SBK1: variants seen among roughly 807,000 people sequenced by gnomAD.
SBK1 encodes SH3 domain binding kinase 1.
In SBK1, 11 loss-of-function variants were observed where a neutral mutation model predicts 24.4. The observed-to-expected ratio is 0.45, with a 90% CI of 0.28 to 0.75. The LOEUF (loss-of-function observed/expected upper bound fraction) is 0.75, where lower values mean the gene tolerates loss of function less well. Ranked by LOEUF, SBK1 falls within the 30% of genes least tolerant of loss-of-function variation. The pLI, the probability that SBK1 is intolerant of heterozygous loss-of-function variation, is 0.12. For synonymous variants in SBK1, 308 were observed against 284.4 expected, an observed-to-expected ratio of 1.08 and a Z score of -0.83; for missense variants, 467 against 620.5, an observed-to-expected ratio of 0.75 and a Z score of 2.63.
At chr16:28,290,044 C>T (rs925476379), upstream of SBK1, among the ~76,000 whole-genome samples, 14 of 150,048 alleles carry the variant, frequency 9.3e-5, no homozygotes, top group African/African-American at 2.5e-5. Flanking sequence ...CATGATTGCA[C>T]CACTACACTC....
intron 1 of SBK1, among the ~76,000 whole-genome samples, chr16:28,272,829 C>T (rs2044474769): frequency 6.6e-6 from 1 of 151,774 alleles, no homozygotes; most frequent in Non-Finnish European, 1.5e-5. Flanking sequence ...ACCATATTGG[C>T]CAGGCTGGTC....
In SBK1 at chr16:28,273,015, A is replaced by G. The variant is rs74744018; in HGVS notation, c.257+13513A>G. On this transcript the variant is annotated intron_variant, in intron 1 of 3. Coordinates refer to the SBK1 transcript ENST00000671413. Reference sequence around the variant, plus strand: ...CATTCAACCCATTTGGGTTATTTCTACATTTGGCTATTGTGAATATTGTTG... The same window carrying G: ...CATTCAACCCATTTGGGTTATTTCTGCATTTGGCTATTGTGAATATTGTTG... Among the ~76,000 whole-genome samples, 619 of 151,932 alleles carry G rather than the reference A, an allele frequency of 4.1e-3. 15 individuals carry two copies. The East Asian group carries it at 0.054, about 13-fold the overall frequency.
At chr16:28,305,672 C>T (rs915389625) in intron 1 of SBK1, among the ~76,000 whole-genome samples, 4 of 151,998 alleles carry the variant, frequency 2.6e-5, no homozygotes, top group Non-Finnish European at 4.4e-5. Context: ...GCTGGGATTA[C>T]AGGCGCCTGC....
chr16:28,290,450 C>T (rs1280755338), upstream of SBK1: 2 of 152,198 alleles, frequency 1.3e-5, no homozygotes. Flanking sequence ...GCCTGGCCAA[C>T]ATGATGAAAC....
At chr16:28,291,878 T>C (rs1163556803), upstream of SBK1, 3 of 152,216 alleles carry the variant, frequency 2.0e-5, no homozygotes, top group Non-Finnish European at 4.4e-5. Flanking sequence ...GCGACCTCAG[T>C]TGGATAGGGC....
At chr16:28,304,388 G>C (rs1170240572) in intron 1 of SBK1, among the ~76,000 whole-genome samples, 1 of 152,242 alleles carries the variant, frequency 6.6e-6, no homozygotes, top group Admixed American at 6.5e-5. Flanking sequence ...CTGCGAACCA[G>C]AGACCAAGAA....
chr16:28,304,090 C>T (rs1346671484), intron 1 of SBK1, among the ~76,000 whole-genome samples: 1 of 152,198 alleles, frequency 6.6e-6, no homozygotes, highest in African/African-American at 2.4e-5. Flanking sequence ...CTCACCTGCA[C>T]ATGGCAAAAT....
chr16:28,298,747 A>T (rs550705434), intron 1 of SBK1, among the ~76,000 whole-genome samples: 17 of 152,314 alleles, frequency 1.1e-4, no homozygotes, highest in African/African-American at 4.1e-4. Flanking sequence ...GGCTTTAGGC[A>T]ACCACCAGAG....
chr16:28,310,890 G>A (rs1596552169), intron 1 of SBK1, among the ~76,000 whole-genome samples: 1 of 152,126 alleles, frequency 6.6e-6, no homozygotes, highest in Admixed American at 6.6e-5. Flanking sequence ...AAAAAGTGGC[G>A]CACATTAGGA....
In SBK1 at chr16:28,259,975, G is replaced by A. The variant is rs1208226478; in HGVS notation, c.257+473G>A. On this transcript the variant is annotated intron_variant, in intron 1 of 3. Transcript: ENST00000671413. The surrounding 1 kb of genome is among the most constrained non-coding windows in gnomAD (Gnocchi z 6.0). ...TCAGGAAGCCCTCCTGGATGTCCCT[G>A]TCCCACCCTAACCTGAGAGCCACCT... 6.6e-6 allele frequency among the ~76,000 whole-genome samples: 1 copy of A among 152,070 alleles called. No homozygotes were observed. Among genetic ancestry groups the A allele is most frequent in the Non-Finnish European group, 1.5e-5 (1 of 68,034 alleles).
At chr16:28,287,666 GTTTGC>G (rs138441755), upstream of SBK1, among the ~76,000 whole-genome samples, 12,649 of 152,026 alleles carry the variant, frequency 0.083, 834 homozygotes, top group African/African-American at 0.18. Flanking sequence ...TTTTGGTTTT[GTTTGC>G]TTTGTTTTGA....
At chr16:28,267,055 C>T (rs538946791) in intron 1 of SBK1, among the ~76,000 whole-genome samples, 20 of 152,068 alleles carry the variant, frequency 1.3e-4, no homozygotes, top group Admixed American at 6.6e-4. Context: ...TATGGGTGTG[C>T]ACCACCACAC....
At chr16:28,310,506 C>G (rs1435981410) in intron 1 of SBK1, among the ~76,000 whole-genome samples, 1 of 152,152 alleles carries the variant, frequency 6.6e-6, no homozygotes, top group Admixed American at 6.6e-5. Flanking sequence ...AGCTTTGGAG[C>G]CAATACCAAT....
chr16:28,307,281 C>T (rs948098304), intron 1 of SBK1, among the ~76,000 whole-genome samples: 1 of 152,160 alleles, frequency 6.6e-6, no homozygotes, highest in African/African-American at 2.4e-5. Flanking sequence ...CTTATTAACC[C>T]CAATACACAG....
intron 1 of SBK1, chr16:28,284,916 G>C (rs148841747): frequency 6.6e-6 from 1 of 152,288 alleles, no homozygotes; most frequent in African/African-American, 2.4e-5. Context: ...AGCTATAATA[G>C]AAACAGTGTC....
chr16:28,303,118 T>TG (rs541752805), intron 1 of SBK1, among the ~76,000 whole-genome samples: 160 of 123,682 alleles, frequency 1.3e-3, no homozygotes, highest in African/African-American at 4.8e-3. Flanking sequence ...CAGGGAACAG[T>TG]GGGGGGACCA....
chr16:28,264,162 T>C (rs762311475), intron 1 of SBK1, among the ~76,000 whole-genome samples: 1 of 151,862 alleles, frequency 6.6e-6, no homozygotes, highest in Admixed American at 6.6e-5. Flanking sequence ...CAAACAAACA[T>C]TGGAGACAAA....
intron 1 of SBK1, among the ~76,000 whole-genome samples, chr16:28,273,347 A>T (rs1319876073): frequency 6.6e-6 from 1 of 151,802 alleles, no homozygotes; most frequent in Non-Finnish European, 1.5e-5. Flanking sequence ...CAGGCTCCCA[A>T]GTAGCTGAGA....
Position 28,320,718 on chromosome 16 carries a change from G to T in SBK1, c.1072G>T (p.Glu358Ter). 1.7e-6 allele frequency: 2 copies of T among 1,147,974 alleles called. No homozygotes were observed. Among genetic ancestry groups the T allele is most frequent in the Admixed American group, 5.0e-5 (1 of 19,876 alleles). The allele number at this position is 1,147,974 out of a possible 1,614,324, so 71.1% of individuals were successfully genotyped here. A position where few individuals can be genotyped will look rare whatever the true frequency, so the allele number is the denominator to read the frequency against. The part of the protein sequence containing the change: ...PGPLKRTVLT[E>*]SGSGSRPAPP... ...GCCGCTCAAGCGGACGGTGCTGACC[G>T]AGAGCGGCAGCGGCTCCCGGCCCGC... The change falls in exon 4 of 4, where the codon GAG (glutamate) becomes TAG (stop). Residue 358 changes from glutamate to a stop codon, truncating the protein, a stop_gained. Transcript: ENST00000341901. LOFTEE classifies it high-confidence loss of function. The surrounding 1 kb of genome is among the most constrained non-coding windows in gnomAD (Gnocchi z 8.5).
Sources: gnomAD v4.1 joint callset for allele counts (sites outside exome capture counted in the v4.1 genomes callset) on GRCh38, gnomAD v4.1.1 for gene constraint, Gnocchi (gnomAD v3.1) non-coding constraint, MANE v1.5 for transcripts, NCBI Gene and HGNC (gene_info 2026-07-23, HGNC 2026-07-21) for gene names.